The following BCL2 variants were observed in gnomAD, a reference collection of about 807,000 sequenced individuals.
BCL2 encodes BCL2 apoptosis regulator, also known as apoptosis regulator Bcl-2.
A neutral mutation model predicts 14.2 loss-of-function variants in BCL2; 1 was observed. The ratio of observed to expected loss-of-function variants is 0.07; its 90% CI spans 0.02 to 0.33. The LOEUF (loss-of-function observed/expected upper bound fraction) is 0.33, where lower values mean the gene tolerates loss of function less well. Ranked by LOEUF, BCL2 falls within the 10% of genes least tolerant of loss-of-function variation. BCL2 has a pLI of 0.99. For synonymous variants in BCL2, 151 were observed against 137.2 expected (o/e 1.10, Z -0.70); for missense variants, 247 against 305.9 (o/e 0.81, Z 1.44).
At chr18:63,133,117 C>T (rs1914114123) in intron 2 of BCL2, among the ~76,000 whole-genome samples, 1 of 152,260 alleles carries the variant, frequency 6.6e-6, no homozygotes, top group African/African-American at 2.4e-5. Context: ...AGGGCTGGCC[C>T]AAGGGGACAG....
At chr18:63,151,958 A>C (rs1684989671) in intron 2 of BCL2, among the ~76,000 whole-genome samples, 1 of 152,212 alleles carries the variant, frequency 6.6e-6, no homozygotes, top group Non-Finnish European at 1.5e-5. Flanking sequence ...GGAGGGAAGA[A>C]GGAAACTTAG....
intron 2 of BCL2, among the ~76,000 whole-genome samples, chr18:63,208,389 C>T (rs987525708): frequency 1.3e-5 from 2 of 150,674 alleles, no homozygotes; most frequent in Non-Finnish European, 3.0e-5. Context: ...TCTATCCACA[C>T]GTTTTTGCTC....
intron 2 of BCL2, among the ~76,000 whole-genome samples, chr18:63,291,836 C>G (rs1045870805): frequency 2.0e-5 from 3 of 151,614 alleles, no homozygotes; most frequent in African/African-American, 7.3e-5. Context: ...TGGAATCTAG[C>G]TTATGTCTCT....
In BCL2 at chr18:63,318,535, G is replaced by T. The variant is rs747863570; in HGVS notation, c.132C>A (p.Pro44=). The change falls in exon 2 of 3, where the codon CCC becomes CCA. Residue 44 remains proline (P), a synonymous_variant. Coordinates refer to ENST00000333681, the MANE Select transcript of BCL2 (RefSeq NM_000633.3). This position sits in a 1 kb window ranked among gnomAD's most constrained non-coding sequence, Gnocchi z 7.4. ...DVGAAPPGAA[P]APGIFSSQPG... ...GCTGGGAGGAGAAGATGCCCGGTGC[G>T]GGGGCGGCCCCCGGGGGCGCGGCGC... 6 of 1,584,134 alleles carry T rather than the reference G, an allele frequency of 3.8e-6. No homozygotes were observed. In the South Asian group the frequency reaches 6.7e-5, roughly 18 times the overall value.
chr18:63,254,042 T>C (rs1012345943), intron 2 of BCL2, among the ~76,000 whole-genome samples: 1 of 152,056 alleles, frequency 6.6e-6, no homozygotes, highest in African/African-American at 2.4e-5. Context: ...CTTGTTCAAG[T>C]TATTCTTTCT....
chr18:63,136,364 C>T (rs1050421943), intron 2 of BCL2, among the ~76,000 whole-genome samples: 2 of 152,224 alleles, frequency 1.3e-5, no homozygotes, highest in Admixed American at 6.5e-5. Flanking sequence ...AAGCCTCCCT[C>T]TCTTCCTGTC....
intron 2 of BCL2, among the ~76,000 whole-genome samples, chr18:63,249,891 G>C (rs8086404): frequency 0.69 from 104,693 of 151,766 alleles, 38,649 homozygotes; most frequent in Non-Finnish European, 0.83. Context: ...GGAATTAGAG[G>C]AGCAGGCCCC....
chr18:63,273,036 T>C (rs1912048089), intron 2 of BCL2, among the ~76,000 whole-genome samples: 1 of 152,022 alleles, frequency 6.6e-6, no homozygotes, highest in Non-Finnish European at 1.5e-5. Context: ...AAAAAAGCTT[T>C]TTAACCTTTT....
intron 2 of BCL2, among the ~76,000 whole-genome samples, chr18:63,200,125 C>T (rs1909648452): frequency 6.6e-6 from 1 of 152,158 alleles, no homozygotes; most frequent in African/African-American, 2.4e-5. Flanking sequence ...ACAGATATGA[C>T]AGGGTGATTT....
chr18:63,145,001 T>A (rs1340871008), intron 2 of BCL2, among the ~76,000 whole-genome samples: 1 of 152,206 alleles, frequency 6.6e-6, no homozygotes. Context: ...CAAGAGTATT[T>A]TAAAATGTTG....
At chr18:63,226,389 C>T (rs548538424) in intron 2 of BCL2, among the ~76,000 whole-genome samples, 11 of 152,256 alleles carry the variant, frequency 7.2e-5, no homozygotes, top group Non-Finnish European at 1.5e-4. Flanking sequence ...GGGGCCCTCA[C>T]TGGGACCCAC....
chr18:63,178,313 T>C (rs547007548), intron 2 of BCL2, among the ~76,000 whole-genome samples: 1 of 152,188 alleles, frequency 6.6e-6, no homozygotes, highest in South Asian at 2.1e-4. Context: ...AACTGTTGTT[T>C]AGAAATGAAA....
At chr18:63,197,654 G>A (rs1909484550) in intron 2 of BCL2, among the ~76,000 whole-genome samples, 1 of 152,026 alleles carries the variant, frequency 6.6e-6, no homozygotes, top group African/African-American at 2.4e-5. Context: ...AGGAAAGGAG[G>A]GAGGGAAAAA....
At chr18:63,243,975 G>A (rs1342822423) in intron 2 of BCL2, among the ~76,000 whole-genome samples, 1 of 152,184 alleles carries the variant, frequency 6.6e-6, no homozygotes, top group Non-Finnish European at 1.5e-5. Flanking sequence ...CGGGTGCAGT[G>A]GCTCACGCCT....
At chr18:63,250,169 T>C (rs1911269981) in intron 2 of BCL2, among the ~76,000 whole-genome samples, 1 of 152,168 alleles carries the variant, frequency 6.6e-6, no homozygotes, top group Non-Finnish European at 1.5e-5. Flanking sequence ...CTGAATCACA[T>C]AGTAAACTAG....
Position 63,304,459 on chromosome 18 carries a change from T to C in BCL2, c.585+13623A>G, listed in dbSNP as rs183855758. Among the ~76,000 whole-genome samples the C allele has an allele frequency of 5.5e-4, 84 of 152,326 alleles. 1 individual carries two copies. Among genetic ancestry groups the C allele is most frequent in the African/African-American group, 1.9e-3 (80 of 41,570 alleles). On this transcript the variant is annotated intron_variant, in intron 2 of 2. Transcript: ENST00000333681. ...ACCTAAAAAGAGGAGCCCAGTGTTATTTTTTTAATTTTATTTAGTTACTAA... is the reference window on the plus strand; with the variant it reads ...ACCTAAAAAGAGGAGCCCAGTGTTACTTTTTTAATTTTATTTAGTTACTAA...
intron 2 of BCL2, among the ~76,000 whole-genome samples, chr18:63,168,640 C>G (rs1166062555): frequency 6.6e-6 from 1 of 152,192 alleles, no homozygotes; most frequent in Non-Finnish European, 1.5e-5. Flanking sequence ...ATGTGGCTAG[C>G]ATTTTCCAAT....
chr18:63,306,644 T>G (rs1913144447), intron 2 of BCL2, among the ~76,000 whole-genome samples: 1 of 152,212 alleles, frequency 6.6e-6, no homozygotes, highest in South Asian at 2.1e-4. Context: ...GTCCCCTTCC[T>G]GGGAAGACTT....
intron 2 of BCL2, among the ~76,000 whole-genome samples, chr18:63,160,239 G>A (rs945036273): frequency 5.3e-5 from 8 of 152,212 alleles, no homozygotes; most frequent in African/African-American, 1.9e-4. Context: ...AGGTAGTAAA[G>A]GTTTTGAAGA....
Sources: gnomAD v4.1 joint callset for allele counts (sites outside exome capture counted in the v4.1 genomes callset) on GRCh38, gnomAD v4.1.1 for gene constraint, Gnocchi (gnomAD v3.1) non-coding constraint, MANE v1.5 for transcripts, NCBI Gene and HGNC (gene_info 2026-07-23, HGNC 2026-07-21) for gene names.